Variants in LDB2 observed in about 807,000 individuals in gnomAD.
LDB2 encodes LIM domain binding 2, also known as LIM domain-binding protein 2.
In LDB2, 12 loss-of-function variants were observed where a neutral mutation model predicts 44.3. That is an observed-to-expected ratio of 0.27 (90% CI 0.17 to 0.44). The LOEUF (loss-of-function observed/expected upper bound fraction) is 0.44. Among genes scored for constraint, LDB2 ranks in the 20% least tolerant of loss-of-function variants. The probability of loss-of-function intolerance (pLI) is 1.00; values close to 1 mark genes in which losing one functional copy is unlikely to be tolerated. For missense variants in LDB2, 344 were observed against 473.5 expected, an observed-to-expected ratio of 0.73 and a Z score of 2.54; for synonymous variants, 164 against 174.8, an observed-to-expected ratio of 0.94 and a Z score of 0.49.
At chr4:16,713,105 T>C (rs1756293437) in intron 2 of LDB2, among the ~76,000 whole-genome samples, 1 of 152,192 alleles carries the variant, frequency 6.6e-6, no homozygotes, top group Admixed American at 6.5e-5. Context: ...AGAAACACAA[T>C]ATGATTTCAT....
At chr4:16,505,820 C>A in intron 7 of LDB2, 1 of 1,530,492 alleles carries the variant, frequency 6.5e-7, no homozygotes. Context: ...TCACTAATCC[C>A]CCGTGCAAAG....
intron 2 of LDB2, among the ~76,000 whole-genome samples, chr4:16,654,808 C>T (rs1395712199): frequency 6.6e-6 from 1 of 152,110 alleles, no homozygotes; most frequent in South Asian, 2.1e-4. Context: ...AATAACAATA[C>T]GTTTTTAAGG....
At chr4:16,781,792 A>T (rs1773291399) in intron 1 of LDB2, among the ~76,000 whole-genome samples, 1 of 152,190 alleles carries the variant, frequency 6.6e-6, no homozygotes, top group South Asian at 2.1e-4. Flanking sequence ...ATAGGTTAAG[A>T]TAAGGGTGGT....
In LDB2 at chr4:16,611,906, T is replaced by A. The variant is rs529175860; in HGVS notation, c.236-16031A>T. ...AACTCTCTACCCTAAATCAATAGAA[T>A]ATACATTCTTCTCAATACCACATGG... On this transcript the variant is annotated intron_variant, in intron 2 of 7. Coordinates refer to ENST00000304523, the MANE Select transcript of LDB2 (RefSeq NM_001290.5). Among the ~76,000 whole-genome samples the A allele has an allele frequency of 1.7e-3, 264 of 152,288 alleles. 2 individuals carry two copies. The highest frequency in any genetic ancestry group is 2.7e-3 in the Non-Finnish European group (182 of 68,020).
chr4:16,753,979 C>G (rs767350835), intron 2 of LDB2, among the ~76,000 whole-genome samples: 1 of 152,214 alleles, frequency 6.6e-6, no homozygotes, highest in Admixed American at 6.5e-5. Flanking sequence ...CAAACCCTTA[C>G]GTTTCAAGTA....
At chr4:16,878,126 C>T (rs183465787) in intron 1 of LDB2, among the ~76,000 whole-genome samples, 7 of 152,256 alleles carry the variant, frequency 4.6e-5, no homozygotes, top group African/African-American at 1.7e-4. Context: ...GGGGAAGGGG[C>T]TTGGGAAGTT....
intron 1 of LDB2, among the ~76,000 whole-genome samples, chr4:16,855,556 A>G (rs1220425243): frequency 6.6e-6 from 1 of 152,178 alleles, no homozygotes; most frequent in Non-Finnish European, 1.5e-5. Flanking sequence ...TATATTTGGC[A>G]GATATTTTCT....
intron 1 of LDB2, among the ~76,000 whole-genome samples, chr4:16,843,268 C>A (rs1310018249): frequency 6.6e-6 from 1 of 152,134 alleles, no homozygotes; most frequent in Admixed American, 6.5e-5. Flanking sequence ...TAATACATGT[C>A]TTTGGAAAGT....
At chr4:16,563,879 A>T (rs1050879647) in intron 5 of LDB2, among the ~76,000 whole-genome samples, 1 of 152,086 alleles carries the variant, frequency 6.6e-6, no homozygotes, top group Non-Finnish European at 1.5e-5. Context: ...CTTTTAGAGG[A>T]TCCACAGATT....
intron 1 of LDB2, among the ~76,000 whole-genome samples, chr4:16,860,371 A>G (rs1712113463): frequency 6.6e-6 from 1 of 152,174 alleles, no homozygotes; most frequent in Non-Finnish European, 1.5e-5. Flanking sequence ...ACACACATAC[A>G]CACACACCCA....
chr4:16,646,670 A>T (rs1252856892), intron 2 of LDB2, among the ~76,000 whole-genome samples: 1 of 152,168 alleles, frequency 6.6e-6, no homozygotes, highest in Non-Finnish European at 1.5e-5. Flanking sequence ...TTTAAGAGGA[A>T]GAAATCAATA....
At chr4:16,629,698 T>G (rs1731336860) in intron 2 of LDB2, among the ~76,000 whole-genome samples, 1 of 152,100 alleles carries the variant, frequency 6.6e-6, no homozygotes, top group African/African-American at 2.4e-5. Context: ...GAAAAAAGGT[T>G]AGAAGAATAG....
At chr4:16,684,304 T>A (rs1333569907) in intron 2 of LDB2, among the ~76,000 whole-genome samples, 3 of 152,222 alleles carry the variant, frequency 2.0e-5, no homozygotes, top group African/African-American at 7.2e-5. Flanking sequence ...AAATTTCGTG[T>A]GAGTTTTGCT....
At chr4:16,611,203 C>T (rs546559766) in intron 2 of LDB2, among the ~76,000 whole-genome samples, 1 of 152,272 alleles carries the variant, frequency 6.6e-6, no homozygotes, top group South Asian at 2.1e-4. Flanking sequence ...CCTGCAAGAG[C>T]TCCTGAAAGA....
intron 5 of LDB2, among the ~76,000 whole-genome samples, chr4:16,554,303 G>A (rs1350319975): frequency 1.3e-5 from 2 of 152,066 alleles, no homozygotes; most frequent in Non-Finnish European, 1.5e-5. Context: ...ACCCGCCTCG[G>A]CCCCCCAAAG....
intron 1 of LDB2, among the ~76,000 whole-genome samples, chr4:16,831,052 G>A (rs1023756544): frequency 1.3e-5 from 2 of 152,050 alleles, no homozygotes; most frequent in African/African-American, 4.8e-5. Context: ...GAGCAATCAA[G>A]CACCTCTAGG....
At chr4:16,695,476 G>A (rs1204829816) in intron 2 of LDB2, among the ~76,000 whole-genome samples, 1 of 151,078 alleles carries the variant, frequency 6.6e-6, no homozygotes, top group Non-Finnish European at 1.5e-5. Flanking sequence ...AAAAAAAGAA[G>A]AAGAAAAAGA....
At chr4:16,776,085 T>C (rs1245133638) in intron 1 of LDB2, among the ~76,000 whole-genome samples, 4 of 152,228 alleles carry the variant, frequency 2.6e-5, no homozygotes, top group Non-Finnish European at 5.9e-5. Context: ...ACTTTTCGCT[T>C]TCCCCCTTCC....
chr4:16,671,118 A>C (rs1282776145), intron 2 of LDB2, among the ~76,000 whole-genome samples: 3 of 125,476 alleles, frequency 2.4e-5, no homozygotes, highest in Non-Finnish European at 3.8e-5. Flanking sequence ...CAAAAAAAAA[A>C]AACAAAAAAA....
Sources: gnomAD v4.1 joint callset for allele counts (sites outside exome capture counted in the v4.1 genomes callset) on GRCh38, gnomAD v4.1.1 for gene constraint, MANE v1.5 for transcripts, NCBI Gene and HGNC (gene_info 2026-07-23, HGNC 2026-07-21) for gene names.